The following IMMP2L variants were observed in gnomAD, a reference collection of about 807,000 sequenced individuals.
IMMP2L encodes the protein mitochondrial inner membrane protease subunit 2.
In IMMP2L, 18 loss-of-function variants were observed where a neutral mutation model predicts 19.3. The ratio of observed to expected loss-of-function variants is 0.93; its 90% confidence interval spans 0.64 to 1.38. IMMP2L has a LOEUF of 1.38. IMMP2L is among the 40% of genes most tolerant of loss of function. IMMP2L has a pLI of 0.00. For synonymous variants in IMMP2L, 76 were observed against 73.0 expected (o/e 1.04, Z -0.21); for missense variants, 233 against 218.2 (o/e 1.07, Z -0.43).
intron 3 of IMMP2L, among the ~76,000 whole-genome samples, chr7:110,982,435 G>T (rs1393676087): frequency 6.6e-6 from 1 of 152,026 alleles, no homozygotes; most frequent in East Asian, 1.9e-4. Context: ...CATATTAAGG[G>T]GAAAAAGACA....
chr7:110,960,308 T>C (rs1048021346), intron 4 of IMMP2L, among the ~76,000 whole-genome samples: 2 of 151,952 alleles, frequency 1.3e-5, no homozygotes, highest in Non-Finnish European at 2.9e-5. Flanking sequence ...TTTTAGGACA[T>C]TTTCATACTC....
chr7:111,306,641 TGTGTGTGTGTG>T (rs1822908305), intron 3 of IMMP2L, among the ~76,000 whole-genome samples: 2 of 150,898 alleles, frequency 1.3e-5, no homozygotes, highest in Admixed American at 6.6e-5. Flanking sequence ...TGTGTGTGTG[TGTGTGTGTGTG>T]TGTCCAGTTT....
chr7:110,990,024 T>A (rs2129559426), intron 3 of IMMP2L, among the ~76,000 whole-genome samples: 1 of 152,176 alleles, frequency 6.6e-6, no homozygotes, highest in African/African-American at 2.4e-5. Context: ...ATTTGCTCAA[T>A]AAAAGCCCAT....
At chr7:111,528,253 C>T (rs965769725) in intron 1 of IMMP2L, among the ~76,000 whole-genome samples, 1 of 152,082 alleles carries the variant, frequency 6.6e-6, no homozygotes, top group South Asian at 2.1e-4. Context: ...GTAATAAGTA[C>T]CTAGCCCCGA....
At chr7:111,211,025 A>C (rs1744312008) in intron 3 of IMMP2L, among the ~76,000 whole-genome samples, 1 of 152,178 alleles carries the variant, frequency 6.6e-6, no homozygotes, top group African/African-American at 2.4e-5. Flanking sequence ...ATATTCAGTC[A>C]GTTGCTCTAT....
intron 5 of IMMP2L, among the ~76,000 whole-genome samples, chr7:110,697,149 A>G (rs1793952756): frequency 6.6e-6 from 1 of 152,194 alleles, no homozygotes; most frequent in Non-Finnish European, 1.5e-5. Context: ...CTAGACTCAC[A>G]ATCAGGGAAG....
chr7:111,003,103 T>C (rs545595530), intron 3 of IMMP2L, among the ~76,000 whole-genome samples: 2 of 152,304 alleles, frequency 1.3e-5, no homozygotes, highest in Admixed American at 6.5e-5. Flanking sequence ...ATTGTTATTA[T>C]TGTTACTGTT....
At chr7:110,867,598 G>A (rs1023946472) in intron 5 of IMMP2L, among the ~76,000 whole-genome samples, 6 of 151,804 alleles carry the variant, frequency 4.0e-5, no homozygotes, top group Admixed American at 6.6e-5. Flanking sequence ...AAAGTCCCAC[G>A]TATTTTTTTT....
At chr7:110,699,568 C>T (rs889234052) in intron 5 of IMMP2L, among the ~76,000 whole-genome samples, 1 of 151,968 alleles carries the variant, frequency 6.6e-6, no homozygotes, top group African/African-American at 2.4e-5. Context: ...GTCAGGAGTT[C>T]GAGACCAGCC....
intron 4 of IMMP2L, among the ~76,000 whole-genome samples, chr7:110,898,822 T>A (rs1216579836): frequency 2.0e-5 from 3 of 148,330 alleles, no homozygotes; most frequent in Non-Finnish European, 4.5e-5. Flanking sequence ...TTTTTTTTTT[T>A]AAATAAAGAA....
At chr7:110,781,405 C>G (rs6945217) in intron 5 of IMMP2L, among the ~76,000 whole-genome samples, 1 of 151,688 alleles carries the variant, frequency 6.6e-6, no homozygotes, top group Admixed American at 6.6e-5. Flanking sequence ...GAATAAAATG[C>G]AATGCTTTTT....
chr7:110,683,816 A>C (rs1792910640), intron 5 of IMMP2L, among the ~76,000 whole-genome samples: 1 of 152,070 alleles, frequency 6.6e-6, no homozygotes, highest in Admixed American at 6.6e-5. Context: ...TATACTTTCT[A>C]TTGACTCTGT....
intron 4 of IMMP2L, among the ~76,000 whole-genome samples, chr7:110,914,898 C>T (rs1264563306): frequency 6.6e-6 from 1 of 152,104 alleles, no homozygotes; most frequent in Non-Finnish European, 1.5e-5. Flanking sequence ...CACAACATAG[C>T]ACCTCATACC....
intron 5 of IMMP2L, among the ~76,000 whole-genome samples, chr7:110,817,448 C>A (rs1377511500): frequency 6.6e-6 from 1 of 151,934 alleles, no homozygotes; most frequent in African/African-American, 2.4e-5. Flanking sequence ...AACCACTGCT[C>A]AATGAAATAA....
At chr7:111,230,870 T>A in intron 3 of IMMP2L, among the ~76,000 whole-genome samples, 1 of 151,874 alleles carries the variant, frequency 6.6e-6, no homozygotes, top group Non-Finnish European at 1.5e-5. Flanking sequence ...AGGCTTAGGG[T>A]TACTGAGGAA....
chr7:110,824,613 C>G (rs369805503), intron 5 of IMMP2L, among the ~76,000 whole-genome samples: 100 of 152,096 alleles, frequency 6.6e-4, no homozygotes, highest in African/African-American at 2.3e-3. Flanking sequence ...AGAGATACTC[C>G]ATCCCCGACC....
intron 3 of IMMP2L, among the ~76,000 whole-genome samples, chr7:111,449,143 G>A (rs1838858255): frequency 6.7e-6 from 1 of 148,570 alleles, no homozygotes; most frequent in South Asian, 2.1e-4. Flanking sequence ...AGGAGGAACT[G>A]GTACCATTCC....
At chr7:111,461,443 T>C (rs1229231001) in intron 3 of IMMP2L, among the ~76,000 whole-genome samples, 1 of 151,938 alleles carries the variant, frequency 6.6e-6, no homozygotes, top group Non-Finnish European at 1.5e-5. Flanking sequence ...CTAGCAAAGA[T>C]GAAAGTATTT....
chr7:111,035,581 A>G (rs954832035), intron 3 of IMMP2L, among the ~76,000 whole-genome samples: 1 of 152,308 alleles, frequency 6.6e-6, no homozygotes, highest in African/African-American at 2.4e-5. Flanking sequence ...AACATTGTAT[A>G]CATGCTGACA....
Sources: allele counts gnomAD v4.1 joint callset (sites outside exome capture counted in the v4.1 genomes callset), GRCh38; gene constraint gnomAD v4.1.1; transcripts MANE v1.5; gene names NCBI Gene and HGNC (gene_info 2026-07-23, HGNC 2026-07-21).